Variants in RORB observed in about 807,000 individuals in gnomAD.
RORB encodes nuclear receptor ROR-beta.
A neutral mutation model predicts 59.1 loss-of-function variants in RORB; 6 were observed. The observed-to-expected ratio is 0.10, with a 90% confidence interval of 0.06 to 0.20. The LOEUF is 0.20. Among genes scored for constraint, RORB ranks in the 10% least tolerant of loss-of-function variants. RORB has a pLI of 1.00. For synonymous variants in RORB, 215 were observed against 204.5 expected, an observed-to-expected ratio of 1.05 and a Z score of -0.44; for missense variants, 320 against 560.5, an observed-to-expected ratio of 0.57 and a Z score of 4.33.
intron 1 of RORB, among the ~76,000 whole-genome samples, chr9:74,513,269 A>C (rs953303276): frequency 1.3e-5 from 2 of 152,120 alleles, no homozygotes; most frequent in Non-Finnish European, 2.9e-5. Flanking sequence ...AGTAGTAAAT[A>C]ATAGTCAAGC....
At chr9:74,555,635 A>G (rs1689080062) in intron 1 of RORB, among the ~76,000 whole-genome samples, 1 of 152,200 alleles carries the variant, frequency 6.6e-6, no homozygotes, top group Admixed American at 6.5e-5. Flanking sequence ...TCTTGAAAGA[A>G]CGTAGGTCTT....
chr9:74,535,554 A>C (rs904237230), intron 1 of RORB, among the ~76,000 whole-genome samples: 1 of 151,978 alleles, frequency 6.6e-6, no homozygotes, highest in African/African-American at 2.4e-5. Flanking sequence ...CCACCCACAC[A>C]CACACACTTT....
chr9:74,507,004 G>A (rs145283638), intron 1 of RORB, among the ~76,000 whole-genome samples: 1 of 152,142 alleles, frequency 6.6e-6, no homozygotes, highest in African/African-American at 2.4e-5. Flanking sequence ...GAAGTCTCCT[G>A]TAACTTTTAC....
chr9:74,559,338 A>G (rs1160588923), intron 1 of RORB, among the ~76,000 whole-genome samples: 2 of 152,152 alleles, frequency 1.3e-5, no homozygotes, highest in Non-Finnish European at 1.5e-5. Flanking sequence ...CCCAAGCTCC[A>G]AGGTACAGAA....
At chr9:74,526,537 A>G (rs1826158588) in intron 1 of RORB, among the ~76,000 whole-genome samples, 2 of 151,828 alleles carry the variant, frequency 1.3e-5, no homozygotes, top group Admixed American at 1.3e-4. Flanking sequence ...ATTTTCCATT[A>G]CTTCTTCCAG....
intron 9 of RORB, among the ~76,000 whole-genome samples, chr9:74,684,628 A>C (rs1824606476): frequency 6.6e-6 from 1 of 152,216 alleles, no homozygotes; most frequent in Non-Finnish European, 1.5e-5. Flanking sequence ...ATCTTAACTC[A>C]AAAAATTACA....
chr9:74,534,388 A>G (rs1826290853), intron 1 of RORB, among the ~76,000 whole-genome samples: 1 of 152,040 alleles, frequency 6.6e-6, no homozygotes, highest in South Asian at 2.1e-4. Flanking sequence ...TGAACACAAA[A>G]GCAGATAAGC....
chr9:74,620,486 A>G (rs1823395036), intron 1 of RORB, among the ~76,000 whole-genome samples: 1 of 151,920 alleles, frequency 6.6e-6, no homozygotes, highest in Non-Finnish European at 1.5e-5. Context: ...ATCTTTTCAA[A>G]AAAACCAGCT....
intron 9 of RORB, among the ~76,000 whole-genome samples, chr9:74,672,814 A>G (rs759486336): frequency 1.1e-4 from 17 of 152,172 alleles, no homozygotes; most frequent in Admixed American, 5.9e-4. Context: ...AAATTAAGAA[A>G]TTGAGCTTAT....
At chr9:74,642,311 A>T (rs771067400) in intron 3 of RORB, 103 bp from the exon 4 acceptor site, 3 of 1,146,892 alleles carry the variant, frequency 2.6e-6, no homozygotes, top group Non-Finnish European at 3.7e-6. Context: ...ACATTTGTGC[A>T]TTTGAAGTTG....
At chr9:74,553,401 T>C (rs987782343) in intron 1 of RORB, among the ~76,000 whole-genome samples, 9 of 152,128 alleles carry the variant, frequency 5.9e-5, no homozygotes, top group African/African-American at 2.2e-4. Context: ...AATAAGAATT[T>C]TGAGACCCGG....
Position 74,586,834 on chromosome 9 carries a change from GT to G in RORB, c.8-43443del, listed in dbSNP as rs1203928244. Among the ~76,000 whole-genome samples, 8 of 152,216 alleles carry G rather than the reference GT, an allele frequency of 5.3e-5. No homozygotes were observed. The South Asian group carries it at 1.2e-3, about 24-fold the overall frequency. On this transcript the variant is annotated intron_variant, in intron 1 of 9. Transcript: ENST00000376896. ...CAGGAGGTCAATGAGATTGAAGAAA[GT>G]TTTTAACTTTAGTTTAATCATACAA...
At chr9:74,619,128 T>A (rs940914397) in intron 1 of RORB, among the ~76,000 whole-genome samples, 1 of 152,216 alleles carries the variant, frequency 6.6e-6, no homozygotes, top group Non-Finnish European at 1.5e-5. Context: ...ACAAGTAATC[T>A]GGAATTTTGT....
intron 9 of RORB, among the ~76,000 whole-genome samples, chr9:74,680,770 C>T (rs560321800): frequency 2.2e-4 from 33 of 152,184 alleles, no homozygotes; most frequent in Admixed American, 7.9e-4. Flanking sequence ...GAAGCTTCTT[C>T]CAATTTGATC....
chr9:74,649,506 A>G (rs1022438049), intron 4 of RORB, among the ~76,000 whole-genome samples: 1 of 152,204 alleles, frequency 6.6e-6, no homozygotes, highest in Non-Finnish European at 1.5e-5. Flanking sequence ...TATGACTATG[A>G]ATTATCGTAG....
intron 2 of RORB, 94 bp from the exon 3 acceptor site, chr9:74,634,537 G>C: frequency 8.5e-7 from 1 of 1,183,256 alleles, no homozygotes. Flanking sequence ...ACTCAGTTAT[G>C]TTCACTGCAG....
At chr9:74,673,198 G>GA (rs1402104044) in intron 9 of RORB, among the ~76,000 whole-genome samples, 1 of 152,152 alleles carries the variant, frequency 6.6e-6, no homozygotes, top group Non-Finnish European at 1.5e-5. Context: ...TCACTGGGCA[G>GA]AAAAGACAAT....
intron 1 of RORB, among the ~76,000 whole-genome samples, chr9:74,526,315 A>G (rs752723230): frequency 1.6e-4 from 24 of 152,018 alleles, no homozygotes; most frequent in South Asian, 6.2e-4. Context: ...TAAAAGGTTT[A>G]CATTTAACTA....
rs538893279 is a variant in RORB, at chr9:74,578,652, T to G, written c.8-51630T>G. Reference sequence around the variant, plus strand: ...GAAATGCTGTAAAAGATATTTTATTTTGAATTGTAAAGGTTTATTTGGAGT... The same window carrying G: ...GAAATGCTGTAAAAGATATTTTATTGTGAATTGTAAAGGTTTATTTGGAGT... On this transcript the variant is annotated intron_variant, in intron 1 of 9. Coordinates refer to ENST00000376896, the MANE Select transcript of RORB (RefSeq NM_006914.4). Among the ~76,000 whole-genome samples the G allele has an allele frequency of 2.0e-5, 3 of 147,400 alleles. No individual in the cohort carries two copies. In the East Asian group the frequency reaches 6.1e-4, roughly 30 times the overall value.
Sources: gnomAD v4.1 joint callset for allele counts (sites outside exome capture counted in the v4.1 genomes callset) on GRCh38, gnomAD v4.1.1 for gene constraint, MANE v1.5 for transcripts, NCBI Gene and HGNC (gene_info 2026-07-23, HGNC 2026-07-21) for gene names.